The following SLC35D2 variants were observed in gnomAD, a reference collection of about 807,000 sequenced individuals.
SLC35D2 encodes nucleotide sugar transporter SLC35D2.
Under a neutral mutation model 41.8 loss-of-function variants are expected in SLC35D2, and 43 were observed. That is an observed-to-expected ratio of 1.03 (90% confidence interval 0.81 to 1.33). The LOEUF is 1.33. Among genes scored for constraint, SLC35D2 ranks in the 40% most tolerant of loss-of-function variants. The pLI is 0.00. For missense variants in SLC35D2, 380 were observed against 408.4 expected (o/e 0.93, Z 0.60); for synonymous variants, 150 against 163.9 (o/e 0.92, Z 0.65).
intron 4 of SLC35D2, among the ~76,000 whole-genome samples, chr9:96,355,009 G>T (rs1940108998): frequency 6.6e-6 from 1 of 150,530 alleles, no homozygotes; most frequent in Admixed American, 6.6e-5. Flanking sequence ...AGCAGCCTGG[G>T]CAACAGAGCA....
chr9:96,317,613 T>A (rs919270638), downstream of SLC35D2, among the ~76,000 whole-genome samples: 6 of 152,126 alleles, frequency 3.9e-5, no homozygotes, highest in Non-Finnish European at 7.4e-5. Context: ...AGAATAAAAA[T>A]TAAAGATTTT....
intron 1 of SLC35D2, among the ~76,000 whole-genome samples, chr9:96,383,265 G>C (rs1049524263): frequency 6.6e-6 from 1 of 152,198 alleles, no homozygotes; most frequent in Non-Finnish European, 1.5e-5. Flanking sequence ...GGGCAGGCGC[G>C]CTCAGGAAGA....
At chr9:96,329,392 G>A (rs1431550136) in intron 9 of SLC35D2, among the ~76,000 whole-genome samples, 2 of 151,848 alleles carry the variant, frequency 1.3e-5, no homozygotes, top group African/African-American at 4.8e-5. Flanking sequence ...CACCACATTT[G>A]CCTAACTTTT....
intron 9 of SLC35D2, among the ~76,000 whole-genome samples, chr9:96,327,796 A>T (rs72603666): frequency 0.13 from 20,145 of 150,828 alleles, 1,791 homozygotes; most frequent in East Asian, 0.29. Context: ...TAATTTTTAA[A>T]TTTTTTCTAG....
chr9:96,344,761 C>T (rs758576015), intron 7 of SLC35D2, among the ~76,000 whole-genome samples: 1 of 150,704 alleles, frequency 6.6e-6, no homozygotes, highest in Non-Finnish European at 1.5e-5. Context: ...CTCCACGTGA[C>T]AGGCAGCCAC....
intron 1 of SLC35D2, among the ~76,000 whole-genome samples, chr9:96,382,498 A>ACACAC (rs374142868): frequency 3.8e-4 from 39 of 103,106 alleles, no homozygotes; most frequent in East Asian, 6.0e-4. Context: ...CACACACACT[A>ACACAC]TATATATATA....
chr9:96,378,877 C>G (rs2131042452), intron 1 of SLC35D2, among the ~76,000 whole-genome samples: 1 of 145,398 alleles, frequency 6.9e-6, no homozygotes, highest in South Asian at 2.2e-4. Flanking sequence ...TGCTGTGAGC[C>G]TTGATCATGC....
intron 3 of SLC35D2, among the ~76,000 whole-genome samples, chr9:96,362,357 A>G (rs1335860659): frequency 6.6e-6 from 1 of 152,166 alleles, no homozygotes; most frequent in Non-Finnish European, 1.5e-5. Flanking sequence ...AAAATAAAAA[A>G]TTGGCCGGGC....
At chr9:96,336,228 G>T (rs1829045911) in intron 9 of SLC35D2, among the ~76,000 whole-genome samples, 1 of 152,064 alleles carries the variant, frequency 6.6e-6, no homozygotes, top group Non-Finnish European at 1.5e-5. Context: ...GAAAAACTAA[G>T]GACATGGTGA....
intron 1 of SLC35D2, among the ~76,000 whole-genome samples, chr9:96,378,766 A>C (rs115573471): frequency 2.0e-5 from 3 of 151,822 alleles, no homozygotes; most frequent in Non-Finnish European, 4.4e-5. Context: ...AAAAAAAAAA[A>C]TTTAATTCAA....
At chr9:96,348,525 C>T (rs1829675545) in intron 6 of SLC35D2, among the ~76,000 whole-genome samples, 1 of 152,186 alleles carries the variant, frequency 6.6e-6, no homozygotes, top group Non-Finnish European at 1.5e-5. Context: ...GCAGCATCAC[C>T]TGCTCATCCA....
At chr9:96,362,775 C>A (rs750679623) in intron 3 of SLC35D2, among the ~76,000 whole-genome samples, 5 of 151,838 alleles carry the variant, frequency 3.3e-5, no homozygotes, top group African/African-American at 4.8e-5. Flanking sequence ...GTAAGTAAGC[C>A]CAGTAATATT....
chr9:96,345,267 A>C, intron 7 of SLC35D2, 32 bp downstream of exon 7: 1 of 1,153,596 alleles, frequency 8.7e-7, no homozygotes, highest in Non-Finnish European at 1.3e-6. Context: ...GCCAGATGAC[A>C]GAGCCAAAAA....
At chr9:96,363,927 A>G (rs1350884930) in intron 3 of SLC35D2, among the ~76,000 whole-genome samples, 1 of 152,232 alleles carries the variant, frequency 6.6e-6, no homozygotes, top group Non-Finnish European at 1.5e-5. Flanking sequence ...CAAGACACAC[A>G]GTATTCATTT....
At chr9:96,333,485 C>T (rs1828903858) in intron 9 of SLC35D2, among the ~76,000 whole-genome samples, 1 of 151,094 alleles carries the variant, frequency 6.6e-6, no homozygotes, top group South Asian at 2.1e-4. Context: ...GTCCCAGCTA[C>T]TCAGGAGGCT....
At position 96,346,997 on chromosome 9, in the gene SLC35D2, G is replaced by A. The variant is rs10820411; in HGVS notation, c.489-1596C>T. Among the ~76,000 whole-genome samples the A allele has an allele frequency of 8.5e-5, 13 of 152,060 alleles. No individual in the cohort carries two copies. The South Asian group carries it at 1.2e-3, about 15-fold the overall frequency. On this transcript the variant is annotated intron_variant, in intron 6 of 11. Coordinates refer to ENST00000253270, the MANE Select transcript of SLC35D2 (RefSeq NM_007001.3). The stretch of plus-strand genomic sequence containing the variant: ...ACTAAAAATACAAAATTAGCTGGGC[G>A]TGGTGGCACATGCCTGTAATCCCAG...
At chr9:96,323,247 T>C (rs1828338459) in intron 10 of SLC35D2, among the ~76,000 whole-genome samples, 1 of 152,208 alleles carries the variant, frequency 6.6e-6, no homozygotes, top group Non-Finnish European at 1.5e-5. Flanking sequence ...ACTCTAGGAC[T>C]TCATGTGAAT....
chr9:96,324,440 A>G (rs67992409), intron 9 of SLC35D2, among the ~76,000 whole-genome samples: 20,460 of 151,964 alleles, frequency 0.13, 1,812 homozygotes, highest in East Asian at 0.28. Context: ...ACAACATGGG[A>G]GTAAGGAGAA....
rs991573684 is a variant in SLC35D2 at position 96,325,741 on chromosome 9, T to G, written c.753-1572A>C. 1.6e-4 allele frequency among the ~76,000 whole-genome samples: 25 copies of G among 152,276 alleles called. 1 individual carries two copies. Among genetic ancestry groups the G allele is most frequent in the African/African-American group, 5.5e-4 (23 of 41,578 alleles). On this transcript the variant is annotated intron_variant, in intron 9 of 11. Coordinates refer to ENST00000253270, the MANE Select transcript of SLC35D2 (RefSeq NM_007001.3). ...TGGATTCACCATTGACAGAGAGAAGTGAACTCAACTCTAGCAAAGGGGTTA... is the reference window on the plus strand; with the variant it reads ...TGGATTCACCATTGACAGAGAGAAGGGAACTCAACTCTAGCAAAGGGGTTA...
Sources: gnomAD v4.1 joint callset for allele counts (sites outside exome capture counted in the v4.1 genomes callset) on GRCh38, gnomAD v4.1.1 for gene constraint, MANE v1.5 for transcripts, NCBI Gene and HGNC (gene_info 2026-07-23, HGNC 2026-07-21) for gene names.